The following STAB2 variants were observed in gnomAD, a reference collection of about 807,000 sequenced individuals.
The protein encoded by STAB2 is stabilin 2.
Under a neutral mutation model 338.1 loss-of-function variants are expected in STAB2, and 288 were observed. The observed-to-expected ratio is 0.85, with a 90% CI of 0.77 to 0.94. STAB2 has a LOEUF of 0.94. Ranked by LOEUF, STAB2 falls within the 40% of genes least tolerant of loss-of-function variation. The pLI, the probability that STAB2 is intolerant of heterozygous loss-of-function variation, is 0.00. For synonymous variants in STAB2, 1,202 were observed against 1,193.3 expected (o/e 1.01, Z -0.15); for missense variants, 3,141 against 3,210.1 (o/e 0.98, Z 0.52).
intron 41 of STAB2, 145 bp downstream of exon 41, chr12:103,712,588 G>T (rs974253810): frequency 8.9e-6 from 6 of 675,924 alleles, no homozygotes; most frequent in African/African-American, 8.8e-5. Flanking sequence ...AGTTGATTGT[G>T]CCTGGGGACA....
chr12:103,726,035 A>C, intron 45 of STAB2, 81 bp from the exon 46 acceptor site: 4 of 1,485,924 alleles, frequency 2.7e-6, no homozygotes, highest in Non-Finnish European at 3.7e-6. Context: ...AAGGGATGGC[A>C]GAGAAATCAT....
intron 61 of STAB2, chr12:103,755,085 G>A: frequency 1.8e-6 from 1 of 569,996 alleles, no homozygotes; most frequent in Non-Finnish European, 3.1e-6. Flanking sequence ...AAAGACCTGG[G>A]CACCTACAAG....
At chr12:103,613,753 A>G (rs1957166347) in intron 3 of STAB2, among the ~76,000 whole-genome samples, 2 of 152,178 alleles carry the variant, frequency 1.3e-5, no homozygotes, top group Admixed American at 1.3e-4. Context: ...TTGGAAATGC[A>G]GAAATCATCC....
chr12:103,748,605 TACACACACAC>T (rs71097994), intron 58 of STAB2, among the ~76,000 whole-genome samples: 3,573 of 141,278 alleles, frequency 0.025, 55 homozygotes, highest in Middle Eastern at 0.049. Flanking sequence ...CACACACACA[TACACACACAC>T]ACACACACAC....
chr12:103,593,196 AT>A (rs1956826275), intron 2 of STAB2, among the ~76,000 whole-genome samples: 1 of 152,178 alleles, frequency 6.6e-6, no homozygotes, highest in South Asian at 2.1e-4. Context: ...AGTAGGATTA[AT>A]GGATCATATG....
At chr12:103,741,045 T>C (rs1302769424) in intron 55 of STAB2, among the ~76,000 whole-genome samples, 1 of 152,200 alleles carries the variant, frequency 6.6e-6, no homozygotes, top group African/African-American at 2.4e-5. Flanking sequence ...TATTTCATTT[T>C]TGATGCTGTG....
rs945538448 is a variant in STAB2, at chr12:103,701,733, A to G, written c.3715-1415A>G. ...TTTCCTCTTAATTTTCCAAATGTACACAGACCTTGGAACACCTCTGTGGAG... is the reference window on the plus strand; with the variant it reads ...TTTCCTCTTAATTTTCCAAATGTACGCAGACCTTGGAACACCTCTGTGGAG... On this transcript the variant is annotated intron_variant, in intron 34 of 68. Coordinates refer to ENST00000388887, the MANE Select transcript of STAB2 (RefSeq NM_017564.10). 2.6e-5 allele frequency among the ~76,000 whole-genome samples: 4 copies of G among 152,182 alleles called. No homozygotes were observed. The East Asian group carries it at 7.7e-4, about 29-fold the overall frequency.
At chr12:103,664,708 A>G (rs1565995027) in intron 18 of STAB2, among the ~76,000 whole-genome samples, 1 of 152,238 alleles carries the variant, frequency 6.6e-6, no homozygotes, top group Admixed American at 6.5e-5. Context: ...ATAGCTGGCC[A>G]AGCACCTGGC....
intron 15 of STAB2, among the ~76,000 whole-genome samples, chr12:103,659,229 T>C (rs545842037): frequency 5.4e-4 from 82 of 152,312 alleles, no homozygotes; most frequent in Non-Finnish European, 1.1e-3. Flanking sequence ...TGAAAGTGAA[T>C]GGAGGTGCCA....
chr12:103,642,714 A>G (rs2138701510), intron 9 of STAB2, among the ~76,000 whole-genome samples: 1 of 152,310 alleles, frequency 6.6e-6, no homozygotes, highest in African/African-American at 2.4e-5. Flanking sequence ...AGGGCAAGGA[A>G]TCTGAACGTC....
intron 15 of STAB2, among the ~76,000 whole-genome samples, chr12:103,656,922 A>G (rs1029273253): frequency 2.0e-5 from 3 of 150,942 alleles, no homozygotes; most frequent in Non-Finnish European, 4.4e-5. Context: ...TCCTGACCTC[A>G]TGATCCACCC....
intron 9 of STAB2, among the ~76,000 whole-genome samples, chr12:103,645,799 G>C (rs924266308): frequency 5.9e-5 from 9 of 152,024 alleles, no homozygotes; most frequent in Admixed American, 5.9e-4. Flanking sequence ...TCTTTGTTGT[G>C]AGGGGCTGGG....
At chr12:103,660,484 T>A in intron 16 of STAB2, 100 bp downstream of exon 16, 1 of 1,439,740 alleles carries the variant, frequency 6.9e-7, no homozygotes, top group East Asian at 2.3e-5. Context: ...GTCCTTTATC[T>A]GTAGCTCTGA....
chr12:103,652,462 GCTTTGATGT>G (rs1873813734), intron 11 of STAB2, 85 bp from the exon 12 acceptor site: 1 of 1,242,318 alleles, frequency 8.0e-7, no homozygotes, highest in Non-Finnish European at 1.1e-6. Context: ...GGGTGCCCTG[GCTTTGATGT>G]CTTTGATAAT....
At chr12:103,632,892 C>G (rs1957486487) in intron 6 of STAB2, among the ~76,000 whole-genome samples, 1 of 152,236 alleles carries the variant, frequency 6.6e-6, no homozygotes, top group African/African-American at 2.4e-5. Flanking sequence ...CCACTAGCCT[C>G]ATTTAACTTA....
At chr12:103,737,287 C>T (rs1882205231) in intron 52 of STAB2, among the ~76,000 whole-genome samples, 1 of 152,200 alleles carries the variant, frequency 6.6e-6, no homozygotes, top group African/African-American at 2.4e-5. Flanking sequence ...ATGCCCACAC[C>T]ACCATTCACT....
intron 1 of STAB2, among the ~76,000 whole-genome samples, chr12:103,587,768 C>T (rs892418251): frequency 3.9e-5 from 6 of 152,174 alleles, no homozygotes; most frequent in Non-Finnish European, 8.8e-5. Context: ...TGAAGCGCCC[C>T]GCTGCTGTTG....
chr12:103,727,640 A>C (rs996175448), intron 47 of STAB2, among the ~76,000 whole-genome samples: 1 of 152,228 alleles, frequency 6.6e-6, no homozygotes, highest in African/African-American at 2.4e-5. Flanking sequence ...TCCTATAGAC[A>C]AAAAACAGGG....
chr12:103,731,546 G>C, intron 49 of STAB2, 30 bp from the exon 50 acceptor site: 1 of 1,610,926 alleles, frequency 6.2e-7, no homozygotes, highest in Non-Finnish European at 8.5e-7. Flanking sequence ...ATAAGGAAAA[G>C]TTTCATGCCC....
Sources: allele counts gnomAD v4.1 joint callset (sites outside exome capture counted in the v4.1 genomes callset), GRCh38; gene constraint gnomAD v4.1.1; transcripts MANE v1.5; gene names NCBI Gene and HGNC (gene_info 2026-07-23, HGNC 2026-07-21).